PDZD2: variants seen among roughly 807,000 people sequenced by gnomAD.
The protein encoded by PDZD2 is PDZ domain-containing protein 2.
In PDZD2, 90 loss-of-function variants were observed where a neutral mutation model predicts 220.7. The observed-to-expected ratio is 0.41, with a 90% CI of 0.34 to 0.49. The LOEUF (loss-of-function observed/expected upper bound fraction) is 0.49, where lower values mean the gene tolerates loss of function less well. PDZD2 is among the 20% of genes least tolerant of loss of function. The pLI is 0.28. For synonymous variants in PDZD2, 1,375 were observed against 1,450.5 expected, an observed-to-expected ratio of 0.95 and a Z score of 1.18; for missense variants, 3,174 against 3,608.5, an observed-to-expected ratio of 0.88 and a Z score of 3.08.
chr5:31,877,220 T>G (rs1054723705), intron 2 of PDZD2, among the ~76,000 whole-genome samples: 1 of 152,114 alleles, frequency 6.6e-6, no homozygotes, highest in African/African-American at 2.4e-5. Context: ...TTTGTTTGTT[T>G]GTTTGTTTGT....
In PDZD2 at chr5:32,057,904, A is replaced by G. The variant is rs1337256793; in HGVS notation, c.2001A>G (p.Leu667=). ...FKQIRSGLFV[L]TVRTKLVSPS... is the part of the protein sequence containing the mutation. Reference sequence around the variant, plus strand: ...AAATCCGGAGTGGATTATTTGTTTTAACGGTACGCACAAAGTTGGTGAGCC... The same window carrying G: ...AAATCCGGAGTGGATTATTTGTTTTGACGGTACGCACAAAGTTGGTGAGCC... Residue 667 remains leucine, a synonymous_variant, in exon 12 of 25, where the codon TTA becomes TTG. Coordinates refer to ENST00000438447, the MANE Select transcript of PDZD2 (RefSeq NM_178140.4). 6.2e-7 allele frequency: 1 copy of G among 1,612,192 alleles called. No homozygotes were observed. Among genetic ancestry groups the G allele is most frequent in the Admixed American group, 1.7e-5 (1 of 59,902 alleles).
At chr5:31,731,905 A>G (rs1007732072) in intron 1 of PDZD2, among the ~76,000 whole-genome samples, 1 of 152,088 alleles carries the variant, frequency 6.6e-6, no homozygotes, top group Non-Finnish European at 1.5e-5. Context: ...TTCTGTGTTT[A>G]CCTTTTTGAG....
chr5:32,003,486 C>T (rs1212321998), intron 5 of PDZD2, among the ~76,000 whole-genome samples: 1 of 136,672 alleles, frequency 7.3e-6, no homozygotes, highest in Non-Finnish European at 1.6e-5. Flanking sequence ...CCACACTACA[C>T]ACACACCACA....
chr5:31,715,073 A>G (rs1375551885), intron 1 of PDZD2, among the ~76,000 whole-genome samples: 4 of 143,914 alleles, frequency 2.8e-5, no homozygotes, highest in African/African-American at 7.8e-5. Context: ...AAAAAAAAAA[A>G]GAAAGAAAGA....
intron 1 of PDZD2, among the ~76,000 whole-genome samples, chr5:31,739,220 C>CT (rs34172925): frequency 2.0e-5 from 3 of 152,086 alleles, no homozygotes; most frequent in African/African-American, 4.8e-5. Context: ...TGGCTACTGC[C>CT]TTTTTTGGAA....
intron 8 of PDZD2, among the ~76,000 whole-genome samples, chr5:32,049,852 G>C (rs1738348057): frequency 6.6e-6 from 1 of 152,152 alleles, no homozygotes; most frequent in Non-Finnish European, 1.5e-5. Flanking sequence ...TCCAGGCCCA[G>C]GACTGCGACC....
chr5:31,867,647 T>C (rs188679557), intron 2 of PDZD2, among the ~76,000 whole-genome samples: 1 of 152,176 alleles, frequency 6.6e-6, no homozygotes, highest in African/African-American at 2.4e-5. Flanking sequence ...CAGCTTCAAG[T>C]TGGATTCAGA....
At chr5:31,850,243 T>TATATATATACACAC (rs577432352) in intron 2 of PDZD2, among the ~76,000 whole-genome samples, 4 of 122,228 alleles carry the variant, frequency 3.3e-5, no homozygotes, top group African/African-American at 6.0e-5. Context: ...TATATATATA[T>TATATATATACACAC]ACACACACAC....
chr5:31,762,175 A>G (rs1751694991), intron 1 of PDZD2, among the ~76,000 whole-genome samples: 1 of 152,230 alleles, frequency 6.6e-6, no homozygotes, highest in Non-Finnish European at 1.5e-5. Context: ...TTATAATTCA[A>G]CATGAGATTT....
At chr5:31,869,601 G>C (rs1019509013) in intron 2 of PDZD2, among the ~76,000 whole-genome samples, 5 of 152,090 alleles carry the variant, frequency 3.3e-5, no homozygotes, top group African/African-American at 1.2e-4. Context: ...GAAATGTATT[G>C]ACTGCGATGA....
intron 2 of PDZD2, among the ~76,000 whole-genome samples, chr5:31,970,663 A>G (rs1434325289): frequency 1.3e-5 from 2 of 152,132 alleles, no homozygotes; most frequent in East Asian, 3.9e-4. Flanking sequence ...CTCAAAAATA[A>G]ATAATTAAAA....
At chr5:32,078,471 A>C (rs1409400525) in intron 19 of PDZD2, among the ~76,000 whole-genome samples, 1 of 151,730 alleles carries the variant, frequency 6.6e-6, no homozygotes, top group East Asian at 1.9e-4. Flanking sequence ...CTCTACTAAA[A>C]AGACAAAAAA....
chr5:31,776,837 T>A (rs970543246), intron 1 of PDZD2, among the ~76,000 whole-genome samples: 4 of 150,932 alleles, frequency 2.7e-5, no homozygotes, highest in Non-Finnish European at 4.4e-5. Flanking sequence ...TTTTGTATTC[T>A]TGGTAGAGAC....
At chr5:31,727,919 T>A (rs1435678585) in intron 1 of PDZD2, among the ~76,000 whole-genome samples, 1 of 146,836 alleles carries the variant, frequency 6.8e-6, no homozygotes, top group Non-Finnish European at 1.5e-5. Flanking sequence ...AGGAGAATGG[T>A]GTGAATCCAG....
At chr5:31,764,751 C>T (rs1381589945) in intron 1 of PDZD2, among the ~76,000 whole-genome samples, 2 of 152,158 alleles carry the variant, frequency 1.3e-5, no homozygotes, top group South Asian at 2.1e-4. Context: ...TTTCCTGAAT[C>T]GCCTTGGCAA....
chr5:31,848,119 C>G (rs1757694346), intron 2 of PDZD2: 1 of 316,000 alleles, frequency 3.2e-6, no homozygotes, highest in Non-Finnish European at 6.1e-6. Flanking sequence ...AGTAGGCAAG[C>G]TTCCTCAGAG....
intron 2 of PDZD2, among the ~76,000 whole-genome samples, chr5:31,850,803 A>C (rs1208998670): frequency 1.3e-5 from 2 of 151,646 alleles, no homozygotes; most frequent in Non-Finnish European, 1.5e-5. Context: ...TGCCTGGCTA[A>C]TTTTTTGTAT....
At chr5:32,069,982 G>A (rs941379190) in intron 15 of PDZD2, among the ~76,000 whole-genome samples, 12 of 152,110 alleles carry the variant, frequency 7.9e-5, no homozygotes, top group Admixed American at 5.2e-4. Context: ...TCAGTAGTTT[G>A]GTAGATGCAG....
chr5:31,876,702 A>G (rs1739334697), intron 2 of PDZD2, among the ~76,000 whole-genome samples: 1 of 152,202 alleles, frequency 6.6e-6, no homozygotes, highest in Admixed American at 6.5e-5. Flanking sequence ...CTTCAATACT[A>G]TTTTGAAATA....
Sources: gnomAD v4.1 joint callset for allele counts (sites outside exome capture counted in the v4.1 genomes callset) on GRCh38, gnomAD v4.1.1 for gene constraint, MANE v1.5 for transcripts, NCBI Gene and HGNC (gene_info 2026-07-23, HGNC 2026-07-21) for gene names.